Variants in SCP2 observed in about 807,000 individuals in gnomAD.
SCP2 encodes the protein sterol carrier protein 2.
A neutral mutation model predicts 71.4 loss-of-function variants in SCP2; 48 were observed. The ratio of observed to expected loss-of-function variants is 0.67; its 90% CI spans 0.53 to 0.86. The LOEUF (loss-of-function observed/expected upper bound fraction) is 0.86. SCP2 is among the 40% of genes least tolerant of loss of function. The probability of loss-of-function intolerance (pLI) is 0.00; values close to 1 mark genes in which losing one functional copy is unlikely to be tolerated. For missense variants in SCP2, 560 were observed against 655.6 expected, an observed-to-expected ratio of 0.85 and a Z score of 1.59; for synonymous variants, 220 against 218.1, an observed-to-expected ratio of 1.01 and a Z score of -0.08.
chr1:52,928,437 C>G (rs1652744517), intron 1 of SCP2, among the ~76,000 whole-genome samples: 1 of 152,168 alleles, frequency 6.6e-6, no homozygotes, highest in South Asian at 2.1e-4. Context: ...GAAAACAGCC[C>G]TAAAATGTTT....
chr1:53,034,137 C>T (rs1049964384), intron 13 of SCP2, among the ~76,000 whole-genome samples: 11 of 151,590 alleles, frequency 7.3e-5, no homozygotes, highest in Non-Finnish European at 1.3e-4. Flanking sequence ...TTTTTTGGCA[C>T]GTGGTGGTGC....
At chr1:53,048,345 G>C (rs917064472) in intron 15 of SCP2, 40 of 270,804 alleles carry the variant, frequency 1.5e-4, no homozygotes, top group African/African-American at 8.7e-4. Flanking sequence ...AGGGAGGGGT[G>C]GCATGAACAA....
chr1:53,036,318 T>C (rs1194076790), intron 13 of SCP2, among the ~76,000 whole-genome samples: 4 of 149,688 alleles, frequency 2.7e-5, no homozygotes, highest in African/African-American at 4.9e-5. Flanking sequence ...TTAATTGTTA[T>C]TCAGGCTCGT....
chr1:52,977,116 A>G (rs1450851379), intron 8 of SCP2, among the ~76,000 whole-genome samples: 1 of 152,192 alleles, frequency 6.6e-6, no homozygotes, highest in African/African-American at 2.4e-5. Context: ...AGGAAATTCT[A>G]CTCTATAATA....
Position 52,947,920 on chromosome 1 carries a change from T to G in SCP2, c.128-89T>G, listed in dbSNP as rs1654947588. On this transcript the variant is annotated intron_variant, in intron 2 of 15. Transcript: ENST00000371514. ...TTGAGCATAGACTATATAGAGGTAG[T>G]TTACTTTGAGAAAACTCTAAACTTA... is the stretch of plus-strand genomic sequence containing the variant. The G allele has an allele frequency of 1.1e-5, 9 of 856,188 alleles. No individual in the cohort carries two copies. The Admixed American group carries it at 1.5e-4, about 15-fold the overall frequency. The allele number at this position is 856,188 out of a possible 1,614,324, so 53.0% of individuals were successfully genotyped here. A position where few individuals can be genotyped will look rare whatever the true frequency, so the allele number is the denominator to read the frequency against.
intron 11 of SCP2, among the ~76,000 whole-genome samples, chr1:53,004,358 A>G (rs1660497050): frequency 6.6e-6 from 1 of 152,212 alleles, no homozygotes; most frequent in Admixed American, 6.5e-5. Flanking sequence ...AATATATTTT[A>G]CATGTGATAG....
Position 52,960,999 on chromosome 1 carries a change from G to A in SCP2, c.397-504G>A, listed in dbSNP as rs376389446. Among the ~76,000 whole-genome samples, 100 of 149,910 alleles carry A rather than the reference G, an allele frequency of 6.7e-4. No homozygotes were observed. The East Asian group carries it at 0.017, about 26-fold the overall frequency. On this transcript the variant is annotated intron_variant, in intron 5 of 15. Coordinates refer to ENST00000371514, the MANE Select transcript of SCP2 (RefSeq NM_002979.5). ...ACTCCTGAGCTCAAGTGATCCACCC[G>A]TCTCAGCCTCCCAAAGTGCTGGGAT...
chr1:52,996,884 A>G (rs1659973288), intron 11 of SCP2, among the ~76,000 whole-genome samples: 1 of 152,144 alleles, frequency 6.6e-6, no homozygotes, highest in Non-Finnish European at 1.5e-5. Flanking sequence ...CTTTTTTGCA[A>G]CATCTCCTAT....
In SCP2 at chr1:53,019,820, A is replaced by T. The variant is rs1480559784; in HGVS notation, c.1235+4777A>T. Among the ~76,000 whole-genome samples, 3 of 152,356 alleles carry T rather than the reference A, an allele frequency of 2.0e-5. No individual in the cohort carries two copies. In the East Asian group the frequency reaches 5.8e-4, roughly 29 times the overall value. ...TGTTAGCAGTTAGAATGAGGAATTT[A>T]TAAAACTAGTTAAATGTCACTTGTA... is the stretch of plus-strand genomic sequence containing the variant. On this transcript the variant is annotated intron_variant, in intron 12 of 15. Coordinates refer to ENST00000371514, the MANE Select transcript of SCP2 (RefSeq NM_002979.5).
intron 2 of SCP2, among the ~76,000 whole-genome samples, chr1:52,946,275 C>G (rs112318757): frequency 0.015 from 2,348 of 152,064 alleles, 30 homozygotes; most frequent in Non-Finnish European, 0.024. Flanking sequence ...GTTGCCCAGG[C>G]TAGAGTGCAG....
At position 52,986,021 on chromosome 1, in the gene SCP2, A is replaced by C. The variant is rs142132971; in HGVS notation, c.974-2008A>C. Among the ~76,000 whole-genome samples the C allele has an allele frequency of 2.2e-4, 33 of 149,798 alleles. 1 individual carries two copies. In the East Asian group the frequency reaches 6.2e-3, roughly 28 times the overall value. ...GTCTTTTCCTCACCCCTCTCCCCAC[A>C]TAACTTAAACTCCATGATAGTAGGG... On this transcript the variant is annotated intron_variant, in intron 10 of 15. Transcript: ENST00000371514.
intron 2 of SCP2, chr1:52,943,728 G>T: frequency 2.2e-6 from 1 of 460,484 alleles, no homozygotes; most frequent in Non-Finnish European, 4.3e-6. Context: ...TGCACCAGAC[G>T]CTGGAAGGGA....
intron 11 of SCP2, chr1:52,993,318 C>A: frequency 6.2e-7 from 1 of 1,614,190 alleles, no homozygotes; most frequent in Non-Finnish European, 8.5e-7. Flanking sequence ...AAAGCTTGAT[C>A]TACATTCATC....
At chr1:52,961,422 ATATCT>A in intron 5 of SCP2, 76 bp from the exon 6 acceptor site, 2 of 1,420,544 alleles carry the variant, frequency 1.4e-6, no homozygotes, top group African/African-American at 1.4e-5. Context: ...GAATAAATAA[ATATCT>A]TAATAGCACT....
intron 4 of SCP2, among the ~76,000 whole-genome samples, chr1:52,952,863 G>T (rs1212492746): frequency 6.6e-6 from 1 of 151,842 alleles, no homozygotes; most frequent in African/African-American, 2.4e-5. Flanking sequence ...CAGTTCTTTT[G>T]TATATGTATC....
chr1:53,001,752 G>A (rs901300709), intron 11 of SCP2, among the ~76,000 whole-genome samples: 1 of 152,090 alleles, frequency 6.6e-6, no homozygotes, highest in African/African-American at 2.4e-5. Flanking sequence ...ACCTTATGAA[G>A]CTTTTCCTGT....
intron 1 of SCP2, among the ~76,000 whole-genome samples, chr1:52,941,518 C>T (rs1654236806): frequency 6.6e-6 from 1 of 152,032 alleles, no homozygotes; most frequent in Non-Finnish European, 1.5e-5. Context: ...AGGCAGATCA[C>T]AAGGTCAGGA....
chr1:53,004,730 T>C (rs1019432465), intron 11 of SCP2, among the ~76,000 whole-genome samples: 2 of 152,172 alleles, frequency 1.3e-5, no homozygotes, highest in Non-Finnish European at 2.9e-5. Flanking sequence ...AGATGGGTGA[T>C]TTCTGCATTT....
intron 11 of SCP2, among the ~76,000 whole-genome samples, chr1:53,008,990 A>G (rs530688937): frequency 6.6e-6 from 1 of 152,304 alleles, no homozygotes; most frequent in African/African-American, 2.4e-5. Context: ...CCAATAACAG[A>G]CAAACAGCCA....
Sources: gnomAD v4.1 joint callset for allele counts (sites outside exome capture counted in the v4.1 genomes callset) on GRCh38, gnomAD v4.1.1 for gene constraint, MANE v1.5 for transcripts, NCBI Gene and HGNC (gene_info 2026-07-23, HGNC 2026-07-21) for gene names.